Variants in MAGI1 observed in about 807,000 individuals in gnomAD.
MAGI1 encodes the protein membrane-associated guanylate kinase, WW and PDZ domain-containing protein 1.
A neutral mutation model predicts 139.9 loss-of-function variants in MAGI1; 58 were observed. The ratio of observed to expected loss-of-function variants is 0.41; its 90% CI spans 0.34 to 0.52. MAGI1 has a LOEUF of 0.52. Among genes scored for constraint, MAGI1 ranks in the 20% least tolerant of loss-of-function variants. The pLI, the probability that MAGI1 is intolerant of heterozygous loss-of-function variation, is 0.12. For missense variants in MAGI1, 1,874 were observed against 1,901.6 expected, an observed-to-expected ratio of 0.99 and a Z score of 0.27; for synonymous variants, 812 against 737.9, an observed-to-expected ratio of 1.10 and a Z score of -1.63.
chr3:65,732,957 C>T (rs1209090911), intron 1 of MAGI1, among the ~76,000 whole-genome samples: 1 of 152,196 alleles, frequency 6.6e-6, no homozygotes, highest in Admixed American at 6.5e-5. Flanking sequence ...GAATCTCCTG[C>T]CCCATTAATG....
At chr3:65,423,391 C>T (rs938361993) in intron 12 of MAGI1, among the ~76,000 whole-genome samples, 29 of 152,204 alleles carry the variant, frequency 1.9e-4, no homozygotes, top group African/African-American at 6.8e-4. Flanking sequence ...CGCGCACACA[C>T]ACACACACAG....
intron 12 of MAGI1, among the ~76,000 whole-genome samples, chr3:65,402,465 G>A (rs939268650): frequency 1.3e-5 from 2 of 152,118 alleles, no homozygotes; most frequent in African/African-American, 2.4e-5. Context: ...GTACACTGGT[G>A]TTTCAAAAGT....
intron 15 of MAGI1, among the ~76,000 whole-genome samples, chr3:65,382,737 A>T (rs1943155774): frequency 2.0e-5 from 3 of 152,240 alleles, no homozygotes; most frequent in Admixed American, 2.0e-4. Context: ...AACTCGAGTC[A>T]GACCTTATTT....
intron 1 of MAGI1, among the ~76,000 whole-genome samples, chr3:65,909,731 T>C (rs9855857): frequency 0.016 from 2,481 of 152,242 alleles, 80 homozygotes; most frequent in African/African-American, 0.056. Context: ...GAAAAGAATG[T>C]AAATTAGCTG....
Position 65,357,079 on chromosome 3 carries a change from C to T in MAGI1, c.3688G>A (p.Val1230Met), listed in dbSNP as rs1559876911. 6.2e-7 allele frequency: 1 copy of T among 1,614,132 alleles called. No homozygotes were observed. The highest frequency in any genetic ancestry group is 8.5e-7 in the Non-Finnish European group (1 of 1,180,012). Residue 1230 changes from valine to methionine, a missense_variant, in exon 23 of 23, where the codon GTG (valine) becomes ATG (methionine). By Grantham distance (21) the Val-to-Met change is conservative (BLOSUM62 1). This residue lies in a region of MAGI1 where 653 missense variants were observed against 644.5 expected (regional missense o/e 1.01). Transcript: ENST00000402939. ...PATGPQGVPE[V>M]RAGPDRRQHP... is the part of the protein sequence containing the mutation. ...TGCCGGCGGTCGGGCCCGGCCCTCA[C>T]TTCCGGAACACCTTGTGGACCGGTG...
At chr3:65,804,741 A>T (rs2040740166) in intron 1 of MAGI1, among the ~76,000 whole-genome samples, 1 of 152,204 alleles carries the variant, frequency 6.6e-6, no homozygotes, top group Non-Finnish European at 1.5e-5. Context: ...AAACAGGCAC[A>T]AAGACCAATG....
At chr3:66,026,528 A>G (rs28509244) in intron 1 of MAGI1, among the ~76,000 whole-genome samples, 94,895 of 150,978 alleles carry the variant, frequency 0.63, 30,748 homozygotes, top group East Asian at 0.86. Flanking sequence ...GAGTACCTAC[A>G]GAGGGCAGAG....
intron 6 of MAGI1, among the ~76,000 whole-genome samples, chr3:65,449,028 A>G (rs1559562499): frequency 6.7e-6 from 1 of 149,974 alleles, no homozygotes; most frequent in Non-Finnish European, 1.5e-5. Flanking sequence ...TAGGTACTAA[A>G]TATTTCTTGA....
rs1174038051 is a variant in MAGI1 at position 65,375,915 on chromosome 3, A to G, written c.3026T>C (p.Ile1009Thr). ...AGGGCTCCCCTCAATAATCCGACCT[A>G]TTTTGTGAGGCATAGCCACACATGC... is the stretch of plus-strand genomic sequence containing the variant. ...GNACVAMPHK[I>T]GRIIEGSPAD... The change falls in exon 18 of 23, where the codon ATA (isoleucine) becomes ACA (threonine). Residue 1009 changes from isoleucine (I) to threonine (T), a missense_variant. This residue lies in a region of MAGI1 where 653 missense variants were observed against 644.5 expected (regional missense o/e 1.01). Coordinates refer to ENST00000402939, the MANE Select transcript of MAGI1 (RefSeq NM_001033057.2). 2.5e-6 allele frequency: 4 copies of G among 1,613,920 alleles called. No homozygotes were observed. The highest frequency in any genetic ancestry group is 1.7e-5 in the Admixed American group (1 of 59,992).
chr3:65,669,547 T>A (rs1281345791), intron 1 of MAGI1, among the ~76,000 whole-genome samples: 1 of 152,224 alleles, frequency 6.6e-6, no homozygotes. Context: ...AGACCTTTGC[T>A]CTCGACCAGT....
chr3:65,587,479 CTTTTTTTTTTTTTT>C (rs755825684), intron 2 of MAGI1, among the ~76,000 whole-genome samples: 1 of 109,520 alleles, frequency 9.1e-6, no homozygotes, highest in African/African-American at 3.9e-5. Context: ...TTACTTTTTT[CTTTTTTTTTTTTTT>C]TTTTTTTTGA....
In MAGI1 at chr3:65,800,762, A is replaced by AGGAATG. The variant is rs765800809; in HGVS notation, c.314-178675_314-178674insCATTCC. 3.0e-3 allele frequency among the ~76,000 whole-genome samples: 450 copies of AGGAATG among 152,288 alleles called. 1 individual carries two copies. Among genetic ancestry groups the AGGAATG allele is most frequent in the Non-Finnish European group, 5.0e-3 (343 of 68,014 alleles). ...GTATCCATTCCTATGGTTTCCAAGT[A>AGGAATG]TTTTGATGTTAGCTTCTACCAGGAC... is the stretch of plus-strand genomic sequence containing the variant. On this transcript the variant is annotated intron_variant, in intron 1 of 22. Transcript: ENST00000402939.
chr3:65,677,370 G>A (rs924518710), intron 1 of MAGI1, among the ~76,000 whole-genome samples: 18 of 152,148 alleles, frequency 1.2e-4, no homozygotes, highest in African/African-American at 4.1e-4. Context: ...CAGTCACTAA[G>A]GCACAAACGC....
intron 1 of MAGI1, among the ~76,000 whole-genome samples, chr3:65,726,602 C>A (rs1226816226): frequency 6.6e-6 from 1 of 152,066 alleles, no homozygotes; most frequent in Admixed American, 6.6e-5. Context: ...TCAAAAATGG[C>A]TAGAGAGAAT....
intron 1 of MAGI1, among the ~76,000 whole-genome samples, chr3:65,820,844 T>A (rs1575606364): frequency 1.3e-5 from 2 of 152,204 alleles, no homozygotes; most frequent in South Asian, 4.2e-4. Context: ...GTCAATATCA[T>A]CCCAGATTCA....
intron 1 of MAGI1, among the ~76,000 whole-genome samples, chr3:65,652,768 C>T (rs2085657844): frequency 6.6e-6 from 1 of 152,098 alleles, no homozygotes; most frequent in Non-Finnish European, 1.5e-5. Context: ...CATGGCGAGG[C>T]TTTACAGGGA....
intron 1 of MAGI1, among the ~76,000 whole-genome samples, chr3:65,794,597 A>C (rs1482116925): frequency 6.6e-6 from 1 of 151,952 alleles, no homozygotes; most frequent in Non-Finnish European, 1.5e-5. Context: ...TGGCCTAGCC[A>C]ATGTCAGCCT....
intron 1 of MAGI1, among the ~76,000 whole-genome samples, chr3:65,770,658 G>C (rs1267479752): frequency 6.6e-6 from 1 of 152,080 alleles, no homozygotes; most frequent in Non-Finnish European, 1.5e-5. Context: ...TTGCATATAG[G>C]CGTATCCTTT....
chr3:65,464,409 T>G lies in MAGI1; in HGVS notation c.959+5874A>C, dbSNP rs141577238. Among the ~76,000 whole-genome samples the G allele has an allele frequency of 2.0e-5, 3 of 152,314 alleles. No individual in the cohort carries two copies. In the East Asian group the frequency reaches 5.8e-4, roughly 29 times the overall value. ...TTACCTCTCATCACTGCCTTGGCTGTGTCCCACCTATTTTAATGTGCTGTA... is the reference window on the plus strand; with the variant it reads ...TTACCTCTCATCACTGCCTTGGCTGGGTCCCACCTATTTTAATGTGCTGTA... On this transcript the variant is annotated intron_variant, in intron 5 of 22. Transcript: ENST00000402939.
Sources: allele counts gnomAD v4.1 joint callset (sites outside exome capture counted in the v4.1 genomes callset), GRCh38; gene constraint gnomAD v4.1.1; regional missense constraint gnomAD v4.1.1; transcripts MANE v1.5; gene names NCBI Gene and HGNC (gene_info 2026-07-23, HGNC 2026-07-21).